EPAS1: variants seen among roughly 807,000 people sequenced by gnomAD.
EPAS1 encodes the protein endothelial PAS domain protein 1, also known as endothelial PAS domain-containing protein 1.
EPAS1 carries 23 observed loss-of-function variants against 87.9 expected under a neutral mutation model. The observed-to-expected ratio is 0.26, with a 90% CI of 0.19 to 0.37. The LOEUF is 0.37. Ranked by LOEUF, EPAS1 falls within the 10% of genes least tolerant of loss-of-function variation. EPAS1 has a pLI of 1.00. For missense variants in EPAS1, 1,138 were observed against 1,120.7 expected (o/e 1.02, Z -0.22); for synonymous variants, 508 against 444.3 (o/e 1.14, Z -1.80).
chr2:46,307,225 G>T (rs575441165), intron 1 of EPAS1, among the ~76,000 whole-genome samples: 2 of 152,316 alleles, frequency 1.3e-5, no homozygotes, highest in South Asian at 4.1e-4. Flanking sequence ...GTGCCTTGGT[G>T]CCCAGGGTGA....
intron 1 of EPAS1, among the ~76,000 whole-genome samples, chr2:46,336,363 G>A (rs1683794912): frequency 6.6e-6 from 1 of 152,108 alleles, no homozygotes; most frequent in Non-Finnish European, 1.5e-5. Flanking sequence ...AGACAGGGAG[G>A]CCTTTAATAA....
chr2:46,316,677 G>A lies in EPAS1; in HGVS notation c.26+18740G>A, dbSNP rs186285700. ...TGGGAGAGGTTCTTGCCTCCATATC[G>A]GTGGCTGCAGAACTGATTAGTGTGA... On this transcript the variant is annotated intron_variant, in intron 1 of 15. Coordinates refer to ENST00000263734, the MANE Select transcript of EPAS1 (RefSeq NM_001430.5). 3.9e-4 allele frequency among the ~76,000 whole-genome samples: 60 copies of A among 152,252 alleles called. 1 individual carries two copies. In the East Asian group the frequency reaches 9.3e-3, roughly 23 times the overall value.
intron 12 of EPAS1, chr2:46,381,117 C>G (rs1684880214): frequency 2.8e-6 from 1 of 351,970 alleles, no homozygotes; most frequent in Non-Finnish European, 5.4e-6. Flanking sequence ...GGGTCCTCGC[C>G]ACTGCAGCCT....
intron 6 of EPAS1, 108 bp downstream of exon 6, chr2:46,361,198 G>A: frequency 1.6e-6 from 2 of 1,249,556 alleles, no homozygotes; most frequent in South Asian, 1.3e-5. Context: ...ACGTGGTATT[G>A]CCGGGTGCAT....
Position 46,325,033 on chromosome 2 carries a change from G to C in EPAS1, c.27-21840G>C, listed in dbSNP as rs538891048. Among the ~76,000 whole-genome samples, 7 of 152,342 alleles carry C rather than the reference G, an allele frequency of 4.6e-5. No homozygotes were observed. The South Asian group carries it at 1.4e-3, about 32-fold the overall frequency. Reference sequence around the variant, plus strand: ...TTAACATCGAAAGAGAAGAAAAAAGGTCCAGTTTATCTTTAGGGTGAGCTG... The same window carrying C: ...TTAACATCGAAAGAGAAGAAAAAAGCTCCAGTTTATCTTTAGGGTGAGCTG... On this transcript the variant is annotated intron_variant, in intron 1 of 15. Coordinates refer to ENST00000263734, the MANE Select transcript of EPAS1 (RefSeq NM_001430.5).
At chr2:46,351,710 T>C (rs1480399536) in intron 2 of EPAS1, among the ~76,000 whole-genome samples, 2 of 152,060 alleles carry the variant, frequency 1.3e-5, no homozygotes, top group Non-Finnish European at 2.9e-5. Context: ...CAGAATGGCT[T>C]TAAGAACAGT....
chr2:46,310,909 C>T (rs7606903), intron 1 of EPAS1, among the ~76,000 whole-genome samples: 11,447 of 152,256 alleles, frequency 0.075, 810 homozygotes, highest in African/African-American at 0.18. Context: ...CGGAGTCTCG[C>T]TCTGTTGCCC....
At chr2:46,382,315 G>T in intron 14 of EPAS1, 110 bp from the exon 15 acceptor site, 1 of 1,433,604 alleles carries the variant, frequency 7.0e-7, no homozygotes, top group Non-Finnish European at 9.8e-7. Flanking sequence ...GTTGGCTGTA[G>T]TTCTGGTGAC....
intron 1 of EPAS1, among the ~76,000 whole-genome samples, chr2:46,340,496 A>G (rs1683889705): frequency 6.6e-6 from 1 of 152,094 alleles, no homozygotes; most frequent in Admixed American, 6.5e-5. Context: ...CTCCAGTCTC[A>G]TGTCTTCTCT....
intron 6 of EPAS1, among the ~76,000 whole-genome samples, chr2:46,362,265 A>G (rs976703582): frequency 6.6e-6 from 1 of 152,214 alleles, no homozygotes; most frequent in African/African-American, 2.4e-5. Context: ...TCTCCAAAAT[A>G]GAGATAACAC....
At chr2:46,345,851 G>A (rs1187711088) in intron 1 of EPAS1, among the ~76,000 whole-genome samples, 1 of 151,936 alleles carries the variant, frequency 6.6e-6, no homozygotes, top group Admixed American at 6.6e-5. Flanking sequence ...ATTAGTATTA[G>A]CTAACATTGA....
intron 13 of EPAS1, 93 bp downstream of exon 13, chr2:46,381,815 AGC>A: frequency 6.3e-7 from 1 of 1,580,724 alleles, no homozygotes; most frequent in South Asian, 1.1e-5. Flanking sequence ...CTTCCAAGCC[AGC>A]ATAGCCCTTA....
intron 1 of EPAS1, among the ~76,000 whole-genome samples, chr2:46,305,480 A>T (rs906148370): frequency 8.5e-5 from 13 of 152,164 alleles, no homozygotes; most frequent in African/African-American, 3.1e-4. Flanking sequence ...GAACTTGGAA[A>T]GATTCCTCAG....
At chr2:46,369,756 G>A (rs1684585930) in intron 6 of EPAS1, 71 bp from the exon 7 acceptor site, 2 of 1,115,770 alleles carry the variant, frequency 1.8e-6, no homozygotes, top group Admixed American at 1.9e-5. Context: ...TCTGGGGTTA[G>A]CTCCTGCCCA....
At chr2:46,333,097 C>T (rs144967792) in intron 1 of EPAS1, among the ~76,000 whole-genome samples, 7 of 152,294 alleles carry the variant, frequency 4.6e-5, no homozygotes, top group Non-Finnish European at 7.3e-5. Flanking sequence ...AGTGAGGAGT[C>T]ATGGGGTGTT....
rs774669836 is a variant in EPAS1, at chr2:46,378,672, G to A, written c.1459G>A (p.Asp487Asn). ...SSCSTPNSPE[D>N]YYTSLDNDLK... is the part of the protein sequence containing the mutation. ...TGGCCCCTAGCCCAATAGCCCTGAA[G>A]ACTATTACACATCTTTGGATAACGA... Residue 487 changes from aspartate (D) to asparagine (N), a missense_variant, in exon 11 of 16, where the codon GAC (aspartate) becomes AAC (asparagine). Transcript: ENST00000263734. 1.9e-6 allele frequency: 3 copies of A among 1,614,096 alleles called. No homozygotes were observed. Among genetic ancestry groups the A allele is most frequent in the Non-Finnish European group, 2.5e-6 (3 of 1,179,992 alleles).
chr2:46,382,519 C>G lies in EPAS1; in HGVS notation c.2382C>G (p.Asn794Lys), dbSNP rs753158034. The change falls in exon 15 of 16, where the codon AAC (asparagine) becomes AAG (lysine). Residue 794 changes from asparagine (N) to lysine (K), a missense_variant. Around this residue, in one of 4 missense-constraint regions of EPAS1, gnomAD observed 502 missense variants for 427.1 expected, o/e 1.18. Transcript: ENST00000263734. ...CATCTGCCATCAGTCCCGGGGAGAA[C>G]AGCAAGAGCAGGTTCCCCCCACAGT... ...QPPSAISPGE[N>K]SKSRFPPQCY... 2.5e-6 allele frequency: 4 copies of G among 1,614,172 alleles called. No individual in the cohort carries two copies. The highest frequency in any genetic ancestry group is 1.1e-5 in the South Asian group (1 of 91,086).
chr2:46,385,922 G>C lies in EPAS1; in HGVS notation c.*1262G>C, dbSNP rs1250499246. 1 of 152,348 alleles carries C rather than the reference G, an allele frequency of 6.6e-6. No individual in the cohort carries two copies. The highest frequency in any genetic ancestry group is 1.9e-4 in the East Asian group (1 of 5,194). 9.4% of individuals were successfully genotyped at this position (152,348 alleles called of 1,614,324 possible). ...CAAATGAGGGGTCAAAAATGGTATAGTGACCCCGTCCACGTCCTCCAAGCT... is the reference window on the plus strand; with the variant it reads ...CAAATGAGGGGTCAAAAATGGTATACTGACCCCGTCCACGTCCTCCAAGCT... On this transcript the variant is annotated 3_prime_UTR_variant, in exon 16 of 16. Transcript: ENST00000263734.
chr2:46,368,117 G>A (rs74952696), intron 6 of EPAS1, among the ~76,000 whole-genome samples: 2,326 of 152,328 alleles, frequency 0.015, 50 homozygotes, highest in East Asian at 0.13. Context: ...AAAGGAGAAA[G>A]TGGTCCCTGA....
Sources: gnomAD v4.1 joint callset for allele counts (sites outside exome capture counted in the v4.1 genomes callset) on GRCh38, gnomAD v4.1.1 for gene constraint, gnomAD v4.1.1 regional missense constraint, MANE v1.5 for transcripts, NCBI Gene and HGNC (gene_info 2026-07-23, HGNC 2026-07-21) for gene names.